The following DLC1 variants were observed in gnomAD, a reference collection of about 807,000 sequenced individuals.
The protein encoded by DLC1 is rho GTPase-activating protein 7.
A neutral mutation model predicts 140.3 loss-of-function variants in DLC1; 54 were observed. That is an observed-to-expected ratio of 0.38 (90% CI 0.31 to 0.48). DLC1 has a LOEUF of 0.48. Ranked by LOEUF, DLC1 falls within the 20% of genes least tolerant of loss-of-function variation. The probability of loss-of-function intolerance (pLI) is 0.96; values close to 1 mark genes in which losing one functional copy is unlikely to be tolerated. For missense variants in DLC1, 2,536 were observed against 1,907.0 expected (o/e 1.33, Z -6.14); for synonymous variants, 986 against 728.1 (o/e 1.35, Z -5.70).
At chr8:13,130,383 A>G (rs376240035) in intron 5 of DLC1, among the ~76,000 whole-genome samples, 6 of 152,366 alleles carry the variant, frequency 3.9e-5, no homozygotes, top group African/African-American at 1.4e-4. Flanking sequence ...TTGTTGAATC[A>G]CAACATGTCT....
chr8:13,577,450 C>G (rs919389313), intron 1 of DLC1, among the ~76,000 whole-genome samples: 1 of 152,072 alleles, frequency 6.6e-6, no homozygotes, highest in Non-Finnish European at 1.5e-5. Flanking sequence ...AGGCAGTTCT[C>G]TTTTATGTTC....
intron 1 of DLC1, chr8:13,566,852 G>A: frequency 2.6e-6 from 3 of 1,146,546 alleles, no homozygotes; most frequent in Non-Finnish European, 3.5e-6. Context: ...CAAGACAGCT[G>A]GGAAGGCGTC....
intron 1 of DLC1, among the ~76,000 whole-genome samples, chr8:13,552,111 G>GTATGTATATATATATA: frequency 1.8e-5 from 1 of 54,530 alleles, no homozygotes; most frequent in African/African-American, 7.5e-5. Flanking sequence ...GTCTAGAGGT[G>GTATGTATATATATATA]TATATATATA....
chr8:13,410,233 T>C (rs1837728068), intron 2 of DLC1, among the ~76,000 whole-genome samples: 1 of 152,118 alleles, frequency 6.6e-6, no homozygotes. Context: ...AAGGCAATGC[T>C]CTTCACCTGA....
At chr8:13,585,820 G>A (rs1805286435) in intron 1 of DLC1, among the ~76,000 whole-genome samples, 1 of 152,130 alleles carries the variant, frequency 6.6e-6, no homozygotes, top group Admixed American at 6.6e-5. Flanking sequence ...TAGGGACACT[G>A]GGTGTATTAA....
chr8:13,557,169 T>C (rs1804078131), intron 1 of DLC1, among the ~76,000 whole-genome samples: 1 of 152,180 alleles, frequency 6.6e-6, no homozygotes, highest in Admixed American at 6.6e-5. Flanking sequence ...CTTCCTCAAG[T>C]GCTTTTACAT....
intron 12 of DLC1, 25 bp downstream of exon 12, chr8:13,094,734 A>C (rs371512026): frequency 6.2e-7 from 1 of 1,613,290 alleles, no homozygotes; most frequent in Non-Finnish European, 8.5e-7. Flanking sequence ...CAATGCCAAC[A>C]ATCTTAAGAT....
chr8:13,441,795 T>C (rs551896702), intron 2 of DLC1, among the ~76,000 whole-genome samples: 1 of 152,276 alleles, frequency 6.6e-6, no homozygotes, highest in Admixed American at 6.5e-5. Context: ...CAAGGTAATT[T>C]ATAGATTCAA....
Position 13,102,850 on chromosome 8 carries a change from A to G in DLC1, c.1506T>C (p.Arg502=). 1 of 1,613,938 alleles carries G rather than the reference A, an allele frequency of 6.2e-7. No individual in the cohort carries two copies. The highest frequency in any genetic ancestry group is 8.5e-7 in the Non-Finnish European group (1 of 1,179,946). Reference sequence around the variant, plus strand: ...CCGCACATTTGTTTAAAGTATTTAGACGCCTATAGAGCAAAGAAATAACGT... The same window carrying G: ...CCGCACATTTGTTTAAAGTATTTAGGCGCCTATAGAGCAAAGAAATAACGT... ...DRDAIEALCR[R]LNTLNKCAVM... The change falls in exon 8 of 18, where the codon CGT becomes CGC. Residue 502 remains arginine, a synonymous_variant. Coordinates refer to ENST00000276297, the MANE Select transcript of DLC1 (RefSeq NM_182643.3).
At position 13,309,998 on chromosome 8, in the gene DLC1, C is replaced by T. The variant is rs1352837767; in HGVS notation, c.1315-4696G>A. On this transcript the variant is annotated intron_variant, in intron 4 of 17. Transcript: ENST00000276297. The stretch of plus-strand genomic sequence containing the variant: ...TCTTTAATGTGTTATTTTTATTATG[C>T]CATTTTCCTCACTTGTATGAAATAT... 3.3e-5 allele frequency among the ~76,000 whole-genome samples: 5 copies of T among 152,052 alleles called. No homozygotes were observed. In the East Asian group the frequency reaches 9.7e-4, roughly 29 times the overall value.
At chr8:13,552,383 T>C (rs1297152525) in intron 1 of DLC1, among the ~76,000 whole-genome samples, 1 of 150,536 alleles carries the variant, frequency 6.6e-6, no homozygotes, top group African/African-American at 2.4e-5. Flanking sequence ...AAATTATTTA[T>C]GGACAAAGTT....
At chr8:13,521,422 G>C (rs78532868) in intron 1 of DLC1, among the ~76,000 whole-genome samples, 1 of 150,406 alleles carries the variant, frequency 6.6e-6, no homozygotes, top group South Asian at 2.1e-4. Context: ...AAAAAAAAAA[G>C]TTCCCTTGCC....
At chr8:13,487,535 G>C (rs563427456) in intron 2 of DLC1, among the ~76,000 whole-genome samples, 102 of 151,904 alleles carry the variant, frequency 6.7e-4, no homozygotes, top group African/African-American at 2.4e-3. Context: ...CACAGGGTCT[G>C]CATGCTCCCA....
At chr8:13,109,295 C>A (rs1287838101) in intron 7 of DLC1, among the ~76,000 whole-genome samples, 1 of 152,088 alleles carries the variant, frequency 6.6e-6, no homozygotes, top group African/African-American at 2.4e-5. Flanking sequence ...TGGTGGCTCA[C>A]TCCTGTAATC....
intron 1 of DLC1, among the ~76,000 whole-genome samples, chr8:13,545,223 T>C (rs982329259): frequency 1.8e-4 from 28 of 151,808 alleles, no homozygotes; most frequent in Non-Finnish European, 4.0e-4. Context: ...GAACAAAACA[T>C]GGATATCCTG....
chr8:13,472,921 T>A (rs2117078668), intron 2 of DLC1, among the ~76,000 whole-genome samples: 1 of 152,232 alleles, frequency 6.6e-6, no homozygotes, highest in South Asian at 2.1e-4. Context: ...ATCTATCAAT[T>A]AACAAATAAA....
At chr8:13,497,243 T>A (rs1801558298) in intron 2 of DLC1, among the ~76,000 whole-genome samples, 1 of 152,188 alleles carries the variant, frequency 6.6e-6, no homozygotes, top group Non-Finnish European at 1.5e-5. Context: ...AATGGCGAAT[T>A]GCCAATTCAA....
chr8:13,528,601 A>C (rs1362366641), intron 1 of DLC1, among the ~76,000 whole-genome samples: 1 of 152,192 alleles, frequency 6.6e-6, no homozygotes, highest in Admixed American at 6.6e-5. Context: ...TTTGTGGGCC[A>C]AAGTAGAGTG....
intron 1 of DLC1, among the ~76,000 whole-genome samples, chr8:13,562,076 TGG>T (rs1804263868): frequency 6.6e-6 from 1 of 152,138 alleles, no homozygotes; most frequent in African/African-American, 2.4e-5. Context: ...ACCTTGATTT[TGG>T]TGGTGGTTAC....
Sources: allele counts gnomAD v4.1 joint callset (sites outside exome capture counted in the v4.1 genomes callset), GRCh38; gene constraint gnomAD v4.1.1; transcripts MANE v1.5; gene names NCBI Gene and HGNC (gene_info 2026-07-23, HGNC 2026-07-21).